Variants in PHACTR4 observed in about 807,000 individuals in gnomAD.
PHACTR4 encodes phosphatase and actin regulator 4.
In PHACTR4, 51 loss-of-function variants were observed where a neutral mutation model predicts 72.7. The ratio of observed to expected loss-of-function variants is 0.70; its 90% CI spans 0.56 to 0.89. The LOEUF (loss-of-function observed/expected upper bound fraction) is 0.89. Among genes scored for constraint, PHACTR4 ranks in the 40% least tolerant of loss-of-function variants. The pLI is 0.00. For missense variants in PHACTR4, 731 were observed against 861.8 expected, an observed-to-expected ratio of 0.85 and a Z score of 1.90; for synonymous variants, 255 against 302.5, an observed-to-expected ratio of 0.84 and a Z score of 1.63.
At chr1:28,397,483 T>C (rs1169966433) in intron 1 of PHACTR4, among the ~76,000 whole-genome samples, 2 of 152,188 alleles carry the variant, frequency 1.3e-5, no homozygotes, top group Non-Finnish European at 2.9e-5. Flanking sequence ...CTTGTTAAGC[T>C]TTCTCAGGAG....
chr1:28,380,917 G>A (rs1478731675), intron 1 of PHACTR4, among the ~76,000 whole-genome samples: 1 of 151,996 alleles, frequency 6.6e-6, no homozygotes, highest in African/African-American at 2.4e-5. Flanking sequence ...TTGCCACACT[G>A]TCCTCCACAA....
intron 2 of PHACTR4, among the ~76,000 whole-genome samples, chr1:28,447,039 C>T (rs1347068148): frequency 7.4e-6 from 1 of 134,660 alleles, no homozygotes. Flanking sequence ...TAGATAGAGT[C>T]TCACTTTGTT....
At chr1:28,427,702 T>G (rs950797716) in intron 2 of PHACTR4, among the ~76,000 whole-genome samples, 3 of 152,152 alleles carry the variant, frequency 2.0e-5, no homozygotes, top group African/African-American at 4.8e-5. Flanking sequence ...TTATTTTCCT[T>G]TCCTCCCTTT....
chr1:28,453,665 A>T (rs1232972626), intron 2 of PHACTR4: 11 of 1,298,462 alleles, frequency 8.5e-6, no homozygotes, highest in Non-Finnish European at 1.1e-5. Flanking sequence ...CAAAAATCAG[A>T]TTGAAAGATG....
intron 2 of PHACTR4, among the ~76,000 whole-genome samples, chr1:28,418,117 G>T (rs531849419): frequency 6.6e-6 from 1 of 152,142 alleles, no homozygotes; most frequent in Admixed American, 6.6e-5. Flanking sequence ...CAGCCTGGAG[G>T]ACAGAGCACA....
At chr1:28,454,559 C>T (rs917377189) in intron 2 of PHACTR4, among the ~76,000 whole-genome samples, 5 of 151,838 alleles carry the variant, frequency 3.3e-5, no homozygotes, top group Admixed American at 1.3e-4. Flanking sequence ...CCGCCGCGCC[C>T]GGCCATCACT....
At chr1:28,404,975 G>T (rs867971749) in intron 1 of PHACTR4, among the ~76,000 whole-genome samples, 1 of 151,778 alleles carries the variant, frequency 6.6e-6, no homozygotes, top group African/African-American at 2.4e-5. Context: ...ATGTGTTCTC[G>T]GTTTAGCTCC....
At chr1:28,439,551 C>A (rs575035473) in intron 2 of PHACTR4, among the ~76,000 whole-genome samples, 5 of 152,138 alleles carry the variant, frequency 3.3e-5, no homozygotes, top group Admixed American at 6.6e-5. Context: ...ACTCACTTTA[C>A]CTTGATCACT....
rs529164627 is a variant in PHACTR4 at position 28,405,939 on chromosome 1, A to T, written c.-38-1471A>T. ...AAAAAAATAATCTCACTAGCACAGA[A>T]CCCAGATTTCTATCTATCTTAGTAA... is the stretch of plus-strand genomic sequence containing the variant. On this transcript the variant is annotated intron_variant, in intron 1 of 13. Transcript: ENST00000373839. 1.1e-3 allele frequency among the ~76,000 whole-genome samples: 164 copies of T among 152,096 alleles called. 1 individual carries two copies. The highest frequency in any genetic ancestry group is 3.8e-3 in the African/African-American group (156 of 41,524).
intron 1 of PHACTR4, among the ~76,000 whole-genome samples, chr1:28,406,188 T>C (rs1654310949): frequency 6.7e-6 from 1 of 148,772 alleles, no homozygotes; most frequent in Non-Finnish European, 1.5e-5. Flanking sequence ...ATGAAAACTT[T>C]ACATTTCCAG....
At chr1:28,399,883 A>T (rs1171366238) in intron 1 of PHACTR4, among the ~76,000 whole-genome samples, 1 of 152,238 alleles carries the variant, frequency 6.6e-6, no homozygotes, top group African/African-American at 2.4e-5. Context: ...GGAGCAAATC[A>T]CGCAGTTTCT....
intron 3 of PHACTR4, 150 bp downstream of exon 3, chr1:28,459,408 T>C: frequency 1.3e-6 from 1 of 745,786 alleles, no homozygotes; most frequent in Non-Finnish European, 2.0e-6. Flanking sequence ...TTTTTTTTTT[T>C]TTTTTTTTGG....
At chr1:28,465,385 G>A (rs772910252) in intron 4 of PHACTR4, among the ~76,000 whole-genome samples, 3 of 152,064 alleles carry the variant, frequency 2.0e-5, no homozygotes, top group Admixed American at 2.0e-4. Flanking sequence ...GCGTGAACCC[G>A]GGAGGCAGAG....
chr1:28,401,991 G>A (rs114727098), intron 1 of PHACTR4, among the ~76,000 whole-genome samples: 26 of 152,312 alleles, frequency 1.7e-4, no homozygotes, highest in South Asian at 8.3e-4. Flanking sequence ...GGGGTTGATT[G>A]TACTAGTCTA....
intron 2 of PHACTR4, among the ~76,000 whole-genome samples, chr1:28,415,990 A>G (rs1655083331): frequency 6.6e-6 from 1 of 152,216 alleles, no homozygotes; most frequent in Admixed American, 6.5e-5. Flanking sequence ...AACATTTGCC[A>G]AGGAGCCAAA....
intron 1 of PHACTR4, among the ~76,000 whole-genome samples, chr1:28,376,803 A>G (rs1473902931): frequency 1.4e-5 from 2 of 141,274 alleles, no homozygotes; most frequent in Non-Finnish European, 3.0e-5. Flanking sequence ...CACCCGGCTA[A>G]TTTTTTTGTA....
At chr1:28,430,479 A>G (rs1031705830) in intron 2 of PHACTR4, among the ~76,000 whole-genome samples, 19 of 152,180 alleles carry the variant, frequency 1.2e-4, no homozygotes, top group Admixed American at 6.5e-4. Context: ...CTTGAGGCAC[A>G]TGTTATCAAT....
chr1:28,390,015 C>G (rs1325910507), intron 1 of PHACTR4, among the ~76,000 whole-genome samples: 5 of 152,120 alleles, frequency 3.3e-5, no homozygotes, highest in Non-Finnish European at 7.3e-5. Context: ...TATATATACA[C>G]AACGAAATAC....
rs775010237 is a variant in PHACTR4 at position 28,473,889 on chromosome 1, C to A, written c.1159C>A (p.Gln387Lys). 6.2e-7 allele frequency: 1 copy of A among 1,614,072 alleles called. No homozygotes were observed. Among genetic ancestry groups the A allele is most frequent in the Non-Finnish European group, 8.5e-7 (1 of 1,179,972 alleles). ...AGATCTACACCAGGAGATTCCCCAGCAGGAAGATCAGAAAAAGGAAGTCCC... is the reference window on the plus strand; with the variant it reads ...AGATCTACACCAGGAGATTCCCCAGAAGGAAGATCAGAAAAAGGAAGTCCC... ...SLDLHQEIPQ[Q>K]EDQKKEVPKR... Residue 387 changes from glutamine (Q) to lysine (K), a missense_variant, in exon 7 of 14, where the codon CAG becomes AAG. By Grantham distance (53) the Gln-to-Lys change is moderately conservative. Coordinates refer to ENST00000373839, the MANE Select transcript of PHACTR4 (RefSeq NM_001048183.3).
Sources: allele counts gnomAD v4.1 joint callset (sites outside exome capture counted in the v4.1 genomes callset), GRCh38; gene constraint gnomAD v4.1.1; transcripts MANE v1.5; gene names NCBI Gene and HGNC (gene_info 2026-07-23, HGNC 2026-07-21).